Variants in SLC4A2 observed in about 807,000 individuals in gnomAD.
SLC4A2 encodes solute carrier family 4 member 2.
In SLC4A2, 36 loss-of-function variants were observed where a neutral mutation model predicts 115.0. The ratio of observed to expected loss-of-function variants is 0.31; its 90% confidence interval spans 0.24 to 0.41. The LOEUF (loss-of-function observed/expected upper bound fraction) is 0.41, where lower values mean the gene tolerates loss of function less well. Ranked by LOEUF, SLC4A2 falls within the 10% of genes least tolerant of loss-of-function variation. The pLI, the probability that SLC4A2 is intolerant of heterozygous loss-of-function variation, is 1.00. For synonymous variants in SLC4A2, 708 were observed against 708.3 expected (o/e 1.00, Z 0.01); for missense variants, 1,252 against 1,705.6 (o/e 0.73, Z 4.68).
intron 10 of SLC4A2, 35 bp downstream of exon 10, chr7:151,070,381 C>G: frequency 6.2e-7 from 1 of 1,609,476 alleles, no homozygotes; most frequent in Non-Finnish European, 8.5e-7. Context: ...GGGCTGGCGG[C>G]AGGGCTGAGG....
chr7:151,063,153 C>T, intron 2 of SLC4A2: 1 of 1,343,156 alleles, frequency 7.4e-7, no homozygotes, highest in Non-Finnish European at 9.7e-7. Flanking sequence ...CCGGCTGTGC[C>T]GGCCGGCCGC....
At chr7:151,063,331 C>G in intron 2 of SLC4A2, 1 of 662,868 alleles carries the variant, frequency 1.5e-6, no homozygotes, top group Non-Finnish European at 2.3e-6. Context: ...TTGTTTGACT[C>G]GGACAGGCTC....
intron 21 of SLC4A2, 83 bp downstream of exon 21, chr7:151,075,858 C>A: frequency 1.4e-6 from 2 of 1,473,262 alleles, no homozygotes; most frequent in South Asian, 1.3e-5. Flanking sequence ...TGCCCCCTCC[C>A]ATCTGCCCAG....
chr7:151,066,383 G>T, intron 5 of SLC4A2, 134 bp from the exon 6 acceptor site: 2 of 1,074,586 alleles, frequency 1.9e-6, no homozygotes, highest in Non-Finnish European at 2.6e-6. Context: ...CCCCGTGCCC[G>T]CACCTCCCGG....
At position 151,072,007 on chromosome 7, in the gene SLC4A2, C is replaced by T. The variant is rs773628238; in HGVS notation, c.2406C>T (p.Phe802=). 4 of 1,613,396 alleles carry T rather than the reference C, an allele frequency of 2.5e-6. No homozygotes were observed. The East Asian group carries it at 8.9e-5, about 36-fold the overall frequency. ...GRVWIGFWLV[F]LALLMVALEG... ...TGTGGATCGGCTTCTGGCTGGTGTT[C>T]CTGGCCCTGCTCATGGTGGCCCTGG... Residue 802 remains phenylalanine (F), a synonymous_variant, in exon 16 of 23, where the codon TTC becomes TTT. Coordinates refer to ENST00000413384, the MANE Select transcript of SLC4A2 (RefSeq NM_003040.4).
intron 8 of SLC4A2, 25 bp from the exon 9 acceptor site, chr7:151,069,922 G>T (rs756412970): frequency 3.7e-6 from 6 of 1,613,282 alleles, no homozygotes; most frequent in Non-Finnish European, 5.1e-6. Context: ...GGGGCTGAGG[G>T]GCCCTCTGTG....
intron 16 of SLC4A2, 45 bp downstream of exon 16, chr7:151,072,181 T>C (rs778798421): frequency 6.4e-7 from 1 of 1,560,632 alleles, no homozygotes; most frequent in South Asian, 1.1e-5. Context: ...GGCCGAGGTC[T>C]CAGGGCTGGA....
chr7:151,072,681 AGT>A (rs1199135667), intron 16 of SLC4A2, among the ~76,000 whole-genome samples: 34 of 147,072 alleles, frequency 2.3e-4, no homozygotes, highest in African/African-American at 7.8e-4. Flanking sequence ...TTTGAGACAG[AGT>A]GTTGCTTTGT....
chr7:151,059,095 C>T (rs2150363277), upstream of SLC4A2: 1 of 152,332 alleles, frequency 6.6e-6, no homozygotes, highest in South Asian at 2.1e-4. The surrounding 1 kb of genome is among the most constrained non-coding windows in gnomAD (Gnocchi z 5.8). Flanking sequence ...GTGGAGGTTC[C>T]ATTCAAGAGG....
intron 20 of SLC4A2, 46 bp from the exon 21 acceptor site, chr7:151,075,560 G>A (rs199520401): frequency 8.8e-6 from 14 of 1,587,204 alleles, no homozygotes; most frequent in Non-Finnish European, 1.1e-5. Flanking sequence ...GGGCTACTGG[G>A]GCCAGGGGAC....
At chr7:151,066,478 G>T in intron 5 of SLC4A2, 39 bp from the exon 6 acceptor site, 1 of 1,462,908 alleles carries the variant, frequency 6.8e-7, no homozygotes. Flanking sequence ...GGGGGAGGAG[G>T]CCAGGTTTCT....
chr7:151,074,707 T>A lies in SLC4A2; in HGVS notation c.2913T>A (p.Thr971=). Reference sequence around the variant, plus strand: ...GCGTTCCCAGTGGATTCTCGGTGACTGCCCCAGAAAAGAGGGGCTGGGTCA... The same window carrying A: ...GCGTTCCCAGTGGATTCTCGGTGACAGCCCCAGAAAAGAGGGGCTGGGTCA... ...KLSVPSGFSV[T]APEKRGWVIN... Residue 971 remains threonine, a synonymous_variant, in exon 19 of 23, where the codon ACT becomes ACA. Transcript: ENST00000413384. 6.2e-7 allele frequency: 1 copy of A among 1,605,436 alleles called. No homozygotes were observed. The highest frequency in any genetic ancestry group is 8.5e-7 in the Non-Finnish European group (1 of 1,176,700).
chr7:151,062,824 C>T (rs1166552814), intron 2 of SLC4A2: 3 of 1,376,644 alleles, frequency 2.2e-6, no homozygotes, highest in South Asian at 1.7e-5. Flanking sequence ...AGAAGCCAGC[C>T]CCCTGGCCCG....
At position 151,067,191 on chromosome 7, in the gene SLC4A2, C is replaced by T. The variant is rs41282733; in HGVS notation, c.966+198C>T. ...GCAACCTCTGCCTCCTGGGTTTAAG[C>T]GATTCTCCTGCCTCAGCCTCCTGAG... On this transcript the variant is annotated intron_variant, in intron 7 of 22. Coordinates refer to ENST00000413384, the MANE Select transcript of SLC4A2 (RefSeq NM_003040.4). Among the ~76,000 whole-genome samples, 563 of 152,310 alleles carry T rather than the reference C, an allele frequency of 3.7e-3. 3 individuals are homozygous for T. The highest frequency in any genetic ancestry group is 6.4e-3 in the Non-Finnish European group (437 of 68,028).
chr7:151,072,102 T>G lies in SLC4A2; in HGVS notation c.2501T>G (p.Ile834Ser). 1 of 1,614,050 alleles carries G rather than the reference T, an allele frequency of 6.2e-7. No homozygotes were observed. Among genetic ancestry groups the G allele is most frequent in the Non-Finnish European group, 8.5e-7 (1 of 1,179,994 alleles). ...QEIFAFLISL[I>S]FIYETFYKLV... The stretch of plus-strand genomic sequence containing the variant: ...ATCTTCGCCTTCTTGATCTCACTCA[T>G]CTTCATCTATGAGACCTTCTACAAG... Residue 834 changes from isoleucine to serine, a missense_variant, in exon 16 of 23, where the codon ATC becomes AGC. Around this residue, in one of 14 missense-constraint regions of SLC4A2, gnomAD observed 118 missense variants for 203.3 expected, o/e 0.58. Coordinates refer to ENST00000413384, the MANE Select transcript of SLC4A2 (RefSeq NM_003040.4).
chr7:151,075,963 C>T, intron 21 of SLC4A2, 50 bp from the exon 22 acceptor site: 1 of 1,530,026 alleles, frequency 6.5e-7, no homozygotes, highest in Non-Finnish European at 8.8e-7. Context: ...GAGGCTCTTC[C>T]CAGCAGCAGG....
In SLC4A2 at chr7:151,075,646, C is replaced by T. The variant is rs387907520; in HGVS notation, c.3342C>T (p.Pro1114=). 1.2e-6 allele frequency: 2 copies of T among 1,605,052 alleles called. No individual in the cohort carries two copies. Among genetic ancestry groups the T allele is most frequent in the Non-Finnish European group, 1.7e-6 (2 of 1,177,166 alleles). The change falls in exon 21 of 23, where the codon CCC becomes CCT. Residue 1114 remains proline, a synonymous_variant. Transcript: ENST00000413384. ...TCGGGGATCTGCTCCGGCAGATCCCCCTGGCCGTGCTCTTTGGAATTTTCC... is the reference window on the plus strand; with the variant it reads ...TCGGGGATCTGCTCCGGCAGATCCCTCTGGCCGTGCTCTTTGGAATTTTCC... The part of the protein sequence containing the change: ...IVIGDLLRQI[P]LAVLFGIFLY...
chr7:151,068,119 A>G (rs1311537771), intron 8 of SLC4A2, 65 bp downstream of exon 8: 7 of 1,272,942 alleles, frequency 5.5e-6, no homozygotes, highest in African/African-American at 3.1e-5. Flanking sequence ...CATGGCCCCA[A>G]ATCTGTCTTG....
chr7:151,063,389 C>G (rs1217626138), intron 2 of SLC4A2, among the ~76,000 whole-genome samples: 2 of 152,200 alleles, frequency 1.3e-5, no homozygotes. Context: ...TTGGGCTCAG[C>G]AGTTGTCCTC....
Sources: allele counts gnomAD v4.1 joint callset (sites outside exome capture counted in the v4.1 genomes callset), GRCh38; gene constraint gnomAD v4.1.1; regional missense constraint gnomAD v4.1.1; non-coding constraint Gnocchi (gnomAD v3.1); transcripts MANE v1.5; gene names NCBI Gene and HGNC (gene_info 2026-07-23, HGNC 2026-07-21).